The following CAPN15 variants were observed in gnomAD, a reference collection of about 807,000 sequenced individuals.
CAPN15 encodes the protein calpain 15, also known as calpain-15.
CAPN15 carries 53 observed loss-of-function variants against 97.9 expected under a neutral mutation model. The ratio of observed to expected loss-of-function variants is 0.54; its 90% CI spans 0.43 to 0.68. The LOEUF is 0.68. Among genes scored for constraint, CAPN15 ranks in the 30% least tolerant of loss-of-function variants. CAPN15 has a pLI of 0.00. For synonymous variants in CAPN15, 922 were observed against 722.5 expected, an observed-to-expected ratio of 1.28 and a Z score of -4.43; for missense variants, 1,592 against 1,589.8, an observed-to-expected ratio of 1.00 and a Z score of -0.02.
chr16:550,074 C>T (rs1370790679), intron 7 of CAPN15, among the ~76,000 whole-genome samples: 1 of 148,230 alleles, frequency 6.7e-6, no homozygotes, highest in Non-Finnish European at 1.5e-5. Context: ...TGGGGCGAGA[C>T]CGATGCCGTC....
chr16:552,261 C>A lies in CAPN15; in HGVS notation c.2508-40C>A, dbSNP rs188980413. On this transcript the variant is annotated intron_variant, in intron 10 of 13. Coordinates refer to ENST00000219611, the MANE Select transcript of CAPN15 (RefSeq NM_005632.3). This position sits in a 1 kb window ranked among gnomAD's most constrained non-coding sequence, Gnocchi z 6.4. ...GGCTGGGCTGGGCTAGGCTGGCGGC[C>A]GTGACCACGCGTGACCCTGGCCCGT... The A allele has an allele frequency of 1.3e-6, 2 of 1,533,694 alleles. No homozygotes were observed. Among genetic ancestry groups the A allele is most frequent in the Non-Finnish European group, 1.8e-6 (2 of 1,139,912 alleles).
At chr16:534,164 T>C (rs1337030944) in intron 2 of CAPN15, among the ~76,000 whole-genome samples, 166 bp downstream of exon 2, 1 of 29,666 alleles carries the variant, frequency 3.4e-5, no homozygotes, top group East Asian at 0.017. Flanking sequence ...AAGAGCCTCG[T>C]TCTCCCAGCC....
chr16:550,984 G>A (rs1300874894), intron 7 of CAPN15, among the ~76,000 whole-genome samples: 3 of 93,148 alleles, frequency 3.2e-5, no homozygotes, highest in Non-Finnish European at 6.3e-5. Context: ...TCCCCTGTTG[G>A]TGAGGGTCCC....
At chr16:550,944 CCT>C (rs2034993539) in intron 7 of CAPN15, among the ~76,000 whole-genome samples, 1 of 126,638 alleles carries the variant, frequency 7.9e-6, no homozygotes, top group Non-Finnish European at 1.6e-5. Context: ...GTGAGGGTCC[CCT>C]GTCTGTGAGG....
chr16:533,329 G>C (rs1214642720), intron 1 of CAPN15, among the ~76,000 whole-genome samples: 49 of 152,264 alleles, frequency 3.2e-4, no homozygotes, highest in Non-Finnish European at 2.9e-5. Context: ...CGGGAAGCGT[G>C]AGCATCCTGC....
At chr16:546,512 C>G (rs1244695989) in intron 3 of CAPN15, among the ~76,000 whole-genome samples, 2 of 152,206 alleles carry the variant, frequency 1.3e-5, no homozygotes, top group African/African-American at 4.8e-5. Flanking sequence ...GTCCACAGGC[C>G]TGGTGACAGA....
rs565903539 is a variant in CAPN15, at chr16:534,046, C to T, written c.-137+48C>T. On this transcript the variant is annotated intron_variant, in intron 2 of 13. Transcript: ENST00000219611. Reference sequence around the variant, plus strand: ...CGGCTCGTTTATGGGTTTGCTTGCGCTGCAGAACTGTTTGTGGAGCAGCAG... The same window carrying T: ...CGGCTCGTTTATGGGTTTGCTTGCGTTGCAGAACTGTTTGTGGAGCAGCAG... The T allele has an allele frequency of 2.9e-5, 27 of 926,186 alleles. No individual in the cohort carries two copies. The African/African-American group carries it at 3.4e-4, about 12-fold the overall frequency. 57.4% of individuals were successfully genotyped at this position (926,186 alleles called of 1,614,324 possible). A position where few individuals can be genotyped will look rare whatever the true frequency, so the allele number is the denominator to read the frequency against.
chr16:539,965 C>G, intron 3 of CAPN15: 2 of 568,318 alleles, frequency 3.5e-6, no homozygotes. Flanking sequence ...ACTGAGATGT[C>G]CCCTCAGCCT....
chr16:551,151 G>C (rs2035034504), intron 7 of CAPN15, 151 bp from the exon 8 acceptor site: 3 of 1,287,598 alleles, frequency 2.3e-6, no homozygotes, highest in South Asian at 1.5e-5. Flanking sequence ...CGGTCGGTGA[G>C]GGCGCCCCGT....
chr16:541,094 A>G (rs2034079242), intron 3 of CAPN15, among the ~76,000 whole-genome samples: 1 of 152,242 alleles, frequency 6.6e-6, no homozygotes, highest in African/African-American at 2.4e-5. Flanking sequence ...AGGGCCTGCC[A>G]GGCTGCACCT....
rs780876088 is a variant in CAPN15, at chr16:546,833, G to A, written c.-6G>A. ...CCCTTGCAGCCACACCCACTCGCCC[G>A]GGTCTATGGCCACGGTCGGAGAGTG... is the stretch of plus-strand genomic sequence containing the variant. On this transcript the variant is annotated 5_prime_UTR_variant, in exon 4 of 14. Transcript: ENST00000219611. The A allele has an allele frequency of 2.2e-5, 35 of 1,594,584 alleles. No homozygotes were observed. In the East Asian group the frequency reaches 2.7e-4, roughly 12 times the overall value.
chr16:540,671 G>T (rs73481357), intron 3 of CAPN15, among the ~76,000 whole-genome samples: 1 of 152,202 alleles, frequency 6.6e-6, no homozygotes, highest in Admixed American at 6.5e-5. Context: ...GGCTGGGGTC[G>T]CTGGCGGCTG....
In CAPN15 at chr16:549,732, G is replaced by T. The variant is rs763213952; in HGVS notation, c.1960G>T (p.Ala654Ser). The T allele has an allele frequency of 3.0e-5, 48 of 1,581,834 alleles. No homozygotes were observed. The highest frequency in any genetic ancestry group is 3.9e-5 in the Non-Finnish European group (46 of 1,164,908). Residue 654 changes from alanine (A) to serine (S), a missense_variant, in exon 7 of 14, where the codon GCC (alanine) becomes TCC (serine). Physicochemically the swap from Ala to Ser is moderately conservative, Grantham distance 99. Coordinates refer to ENST00000219611, the MANE Select transcript of CAPN15 (RefSeq NM_005632.3). ...CGAAGGCCTGGCCACGCTCACCGGC[G>T]CCCCCTGTGAGAGCCTGGCGCTGCA... Reference protein sequence around the residue: ...AIEGLATLTGAPCESLALQLS... With the variant: ...AIEGLATLTGSPCESLALQLS...
chr16:551,698 C>T (rs778714313), intron 9 of CAPN15, 34 bp downstream of exon 9: 18 of 1,579,316 alleles, frequency 1.1e-5, no homozygotes, highest in South Asian at 1.1e-4. Flanking sequence ...GCACGCCGCC[C>T]CCGCCCTCCT....
chr16:534,219 C>A (rs2033509529), intron 2 of CAPN15, among the ~76,000 whole-genome samples: 1 of 152,270 alleles, frequency 6.6e-6, no homozygotes, highest in African/African-American at 2.4e-5. Context: ...TGAGGGCGGC[C>A]CGGGGTCCCG....
intron 2 of CAPN15, 79 bp downstream of exon 2, chr16:534,077 G>T (rs1357563137): frequency 1.4e-6 from 1 of 704,462 alleles, no homozygotes. Context: ...AGCAGGGTTG[G>T]AGTGCCCACG....
intron 3 of CAPN15, among the ~76,000 whole-genome samples, chr16:545,112 G>A (rs2034496013): frequency 6.6e-6 from 1 of 152,014 alleles, no homozygotes; most frequent in South Asian, 2.1e-4. Context: ...GGCCTCAGGA[G>A]GTCAAGGCTG....
chr16:541,903 C>A (rs1482266560), intron 3 of CAPN15, among the ~76,000 whole-genome samples: 2 of 103,696 alleles, frequency 1.9e-5, no homozygotes, highest in African/African-American at 3.9e-5. Context: ...GATGTGGGGC[C>A]ACAGGACGTG....
At chr16:539,594 G>C (rs1046038039) in intron 3 of CAPN15, 1 of 152,298 alleles carries the variant, frequency 6.6e-6, no homozygotes, top group Non-Finnish European at 1.5e-5. Flanking sequence ...AGCCTCACAG[G>C]GTCCTTGTTT....
Sources: gnomAD v4.1 joint callset for allele counts (sites outside exome capture counted in the v4.1 genomes callset) on GRCh38, gnomAD v4.1.1 for gene constraint, Gnocchi (gnomAD v3.1) non-coding constraint, MANE v1.5 for transcripts, NCBI Gene and HGNC (gene_info 2026-07-23, HGNC 2026-07-21) for gene names.